TRPM2: variants seen among roughly 807,000 people sequenced by gnomAD.
TRPM2 encodes the protein transient receptor potential cation channel subfamily M member 2, also known as estrogen-responsive element-associated gene 1 protein.
A neutral mutation model predicts 174.0 loss-of-function variants in TRPM2; 161 were observed. That is an observed-to-expected ratio of 0.93 (90% CI 0.81 to 1.05). The LOEUF is 1.05. Among genes scored for constraint, TRPM2 ranks in the 50% least tolerant of loss-of-function variants. The probability of loss-of-function intolerance (pLI) is 0.00; values close to 1 mark genes in which losing one functional copy is unlikely to be tolerated. For missense variants in TRPM2, 2,057 were observed against 2,038.0 expected, an observed-to-expected ratio of 1.01 and a Z score of -0.18; for synonymous variants, 954 against 861.3, an observed-to-expected ratio of 1.11 and a Z score of -1.88.
chr21:44,390,830 C>G lies in TRPM2; in HGVS notation c.1319-74C>G, dbSNP rs2049149380. On this transcript the variant is annotated intron_variant, in intron 9 of 31. Coordinates refer to ENST00000397928, the MANE Select transcript of TRPM2 (RefSeq NM_003307.4). ...AAGGGCTCATGACACATCCCTGACTCTGACATCATTTCCCTGGAGGGAAAT... is the reference window on the plus strand; with the variant it reads ...AAGGGCTCATGACACATCCCTGACTGTGACATCATTTCCCTGGAGGGAAAT... 20 of 1,599,680 alleles carry G rather than the reference C, an allele frequency of 1.3e-5. No homozygotes were observed. The South Asian group carries it at 2.2e-4, about 18-fold the overall frequency.
upstream of TRPM2, among the ~76,000 whole-genome samples, chr21:44,351,354 C>A (rs1045181058): frequency 6.6e-6 from 1 of 152,234 alleles, no homozygotes; most frequent in Non-Finnish European, 1.5e-5. Context: ...CTGCCCCAAC[C>A]CACACTCCCT....
intron 3 of TRPM2, among the ~76,000 whole-genome samples, chr21:44,365,556 G>A (rs1007603049): frequency 6.6e-5 from 10 of 152,166 alleles, no homozygotes; most frequent in Admixed American, 2.0e-4. Context: ...TCAGATGAGG[G>A]ATTGAGGTAT....
chr21:44,436,173 C>T (rs528577607), intron 28 of TRPM2, among the ~76,000 whole-genome samples: 41 of 152,318 alleles, frequency 2.7e-4, no homozygotes, highest in African/African-American at 9.4e-4. Context: ...ACCCAAGGCA[C>T]GGGCCGCCTT....
rs1421452889 is a variant in TRPM2 at position 44,406,729 on chromosome 21, C to T, written c.2926C>T (p.Leu976Phe). The change falls in exon 19 of 32, where the codon CTC becomes TTC. Residue 976 changes from leucine (L) to phenylalanine (F), a missense_variant. Physicochemically the swap from Leu to Phe is conservative, Grantham distance 22. Transcript: ENST00000397928. ...LFRGAVYHSY[L>F]TIFGQIPGYI... ...CCGAGGGGCCGTCTACCACTCCTAC[C>T]TCACCATCTTCGGGCAGATCCCGGG... is the stretch of plus-strand genomic sequence containing the variant. 2 of 1,608,014 alleles carry T rather than the reference C, an allele frequency of 1.2e-6. No homozygotes were observed. Among genetic ancestry groups the T allele is most frequent in the Non-Finnish European group, 1.7e-6 (2 of 1,178,854 alleles).
In TRPM2 at chr21:44,418,457, G is replaced by A; in HGVS notation, c.3363G>A (p.Leu1121=). Residue 1121 remains leucine, a synonymous_variant, in exon 22 of 32, where the codon CTG becomes CTA. Coordinates refer to ENST00000397928, the MANE Select transcript of TRPM2 (RefSeq NM_003307.4). ...NKLEKNEEAA[L]LSWEIYLKEN... is the part of the protein sequence containing the mutation. Reference sequence around the variant, plus strand: ...TGGAGAAGAACGAGGAGGCGGCCCTGCTATCCTGGGAGATCTACCTGAAGG... The same window carrying A: ...TGGAGAAGAACGAGGAGGCGGCCCTACTATCCTGGGAGATCTACCTGAAGG... 6.2e-7 allele frequency: 1 copy of A among 1,614,086 alleles called. No individual in the cohort carries two copies. Among genetic ancestry groups the A allele is most frequent in the South Asian group, 1.1e-5 (1 of 91,078 alleles).
intron 16 of TRPM2, 48 bp from the exon 17 acceptor site, chr21:44,405,094 G>GT (rs1282041153): frequency 6.2e-7 from 1 of 1,607,772 alleles, no homozygotes; most frequent in African/African-American, 1.3e-5. Context: ...AGTGAGGATA[G>GT]TAAGAGTGAC....
chr21:44,409,636 C>G (rs894900585), intron 19 of TRPM2, among the ~76,000 whole-genome samples: 1 of 141,042 alleles, frequency 7.1e-6, no homozygotes, highest in Non-Finnish European at 1.5e-5. Flanking sequence ...ACTGTCTTGG[C>G]GTAGCCTTGT....
In TRPM2 at chr21:44,366,963, C is replaced by T. The variant is rs748407431; in HGVS notation, c.604+29C>T. 7.8e-6 allele frequency: 12 copies of T among 1,548,096 alleles called. No homozygotes were observed. The Admixed American group carries it at 1.3e-4, about 17-fold the overall frequency. On this transcript the variant is annotated intron_variant, in intron 4 of 31. Transcript: ENST00000397928. This position sits in a 1 kb window ranked among gnomAD's most constrained non-coding sequence, Gnocchi z 6.0. ...ACTCGGAGGCTGGAGGGACACGAGG[C>T]CCCGGCGGGTGGGGTGGGCTGTGGA...
At chr21:44,390,775 T>C in intron 9 of TRPM2, 129 bp from the exon 10 acceptor site, 1 of 1,272,794 alleles carries the variant, frequency 7.9e-7, no homozygotes, top group Non-Finnish European at 1.1e-6. Context: ...CACTGGGTGC[T>C]GCGCCTGTCA....
In TRPM2 at chr21:44,397,808, A is replaced by T. The variant is rs2049478279; in HGVS notation, c.1994A>T (p.Glu665Val). 1 of 1,608,092 alleles carries T rather than the reference A, an allele frequency of 6.2e-7. No homozygotes were observed. The highest frequency in any genetic ancestry group is 8.5e-7 in the Non-Finnish European group (1 of 1,177,652). Reference protein sequence around the residue: ...CSKILKELSKEEEDTDSSEEM... With the variant: ...CSKILKELSKVEEDTDSSEEM... ...AAGATCCTGAAGGAACTGTCCAAGG[A>T]GGAGGAGGACACGGACAGCTCGGAG... The change falls in exon 13 of 32, where the codon GAG becomes GTG. Residue 665 changes from glutamate to valine, a missense_variant. Transcript: ENST00000397928.
rs1698942286 is a variant in TRPM2, at chr21:44,405,943, T to C, written c.2696T>C (p.Leu899Pro). The change falls in exon 18 of 32, where the codon CTC (leucine) becomes CCC (proline). Residue 899 changes from leucine (L) to proline (P), a missense_variant. By Grantham distance (98) the Leu-to-Pro change is moderately conservative. Transcript: ENST00000397928. ...PATLYPGRVI[L>P]SLDFILFCLR... The stretch of plus-strand genomic sequence containing the variant: ...ACGCTGTACCCCGGGCGCGTCATCC[T>C]CTCTCTGGACTTCATCCTGTTCTGC... 2 of 1,607,512 alleles carry C rather than the reference T, an allele frequency of 1.2e-6. No homozygotes were observed. Among genetic ancestry groups the C allele is most frequent in the Non-Finnish European group, 8.5e-7 (1 of 1,179,730 alleles).
intron 25 of TRPM2, 81 bp downstream of exon 25, chr21:44,425,908 G>T (rs894606295): frequency 1.2e-5 from 17 of 1,391,568 alleles, no homozygotes; most frequent in Non-Finnish European, 1.6e-5. Flanking sequence ...CATCCATCTG[G>T]TATTAATCCT....
In TRPM2 at chr21:44,439,682, C is replaced by T. The variant is rs1020159014; in HGVS notation, c.4269+514C>T. 2.2e-4 allele frequency among the ~76,000 whole-genome samples: 33 copies of T among 152,184 alleles called. No individual in the cohort carries two copies. The highest frequency in any genetic ancestry group is 3.5e-4 in the Non-Finnish European group (24 of 68,038). ...ACCTCGATCTTTCCTTAGAAAGCCT[C>T]CATCTCCAGCTCTCTCACACAAATG... is the stretch of plus-strand genomic sequence containing the variant. On this transcript the variant is annotated intron_variant, in intron 30 of 31. Coordinates refer to ENST00000397928, the MANE Select transcript of TRPM2 (RefSeq NM_003307.4). This position sits in a 1 kb window ranked among gnomAD's most constrained non-coding sequence, Gnocchi z 5.1.
chr21:44,388,548 G>A (rs1331545808), intron 9 of TRPM2, among the ~76,000 whole-genome samples: 1 of 151,742 alleles, frequency 6.6e-6, no homozygotes, highest in Non-Finnish European at 1.5e-5. Flanking sequence ...AAAATATTTG[G>A]CTGGGTGAGC....
Position 44,440,847 on chromosome 21 carries a change from T to C in TRPM2, c.4328T>C (p.Val1443Ala). The C allele has an allele frequency of 6.2e-7, 1 of 1,613,904 alleles. No homozygotes were observed. Residue 1443 changes from valine (V) to alanine (A), a missense_variant, in exon 31 of 32, where the codon GTG becomes GCG. Transcript: ENST00000397928. ...ACGGACAATGCCTGGATCGAGACGG[T>C]GGCCGTCAGCGTCCACTTCCAGGAC... ...RNTDNAWIET[V>A]AVSVHFQDQN... is the part of the protein sequence containing the mutation.
intron 9 of TRPM2, among the ~76,000 whole-genome samples, chr21:44,386,336 A>T (rs2049015230): frequency 6.6e-6 from 1 of 152,158 alleles, no homozygotes; most frequent in Non-Finnish European, 1.5e-5. Flanking sequence ...TGAACCCAGG[A>T]GGCAGAGCTT....
At chr21:44,431,786 A>C (rs900306820) in intron 27 of TRPM2, among the ~76,000 whole-genome samples, 2 of 152,152 alleles carry the variant, frequency 1.3e-5, no homozygotes, top group Admixed American at 6.5e-5. Flanking sequence ...ATGTGCTTAT[A>C]GTTTTTAAGC....
At chr21:44,369,072 TG>T in intron 4 of TRPM2, 104 bp from the exon 5 acceptor site, 2 of 1,242,446 alleles carry the variant, frequency 1.6e-6, no homozygotes, top group Non-Finnish European at 2.2e-6. Flanking sequence ...TCTGCGTTGT[TG>T]GGGGCGGGGC....
intron 22 of TRPM2, chr21:44,422,512 C>T: frequency 6.9e-7 from 1 of 1,446,736 alleles, no homozygotes; most frequent in Non-Finnish European, 9.2e-7. Context: ...TCTTCCCTCT[C>T]CCTAGATAAC....
Sources: allele counts gnomAD v4.1 joint callset (sites outside exome capture counted in the v4.1 genomes callset), GRCh38; gene constraint gnomAD v4.1.1; non-coding constraint Gnocchi (gnomAD v3.1); transcripts MANE v1.5; gene names NCBI Gene and HGNC (gene_info 2026-07-23, HGNC 2026-07-21).